Variants in TRAPPC9 observed in about 807,000 individuals in gnomAD.
The protein encoded by TRAPPC9 is trafficking protein particle complex subunit 9.
In TRAPPC9, 83 loss-of-function variants were observed where a neutral mutation model predicts 124.0. The observed-to-expected ratio is 0.67, with a 90% CI of 0.56 to 0.80. TRAPPC9 has a LOEUF of 0.80. TRAPPC9 is among the 30% of genes least tolerant of loss of function. The pLI, the probability that TRAPPC9 is intolerant of heterozygous loss-of-function variation, is 0.00. For synonymous variants in TRAPPC9, 638 were observed against 617.5 expected (o/e 1.03, Z -0.49); for missense variants, 1,302 against 1,508.3 (o/e 0.86, Z 2.27).
intron 17 of TRAPPC9, among the ~76,000 whole-genome samples, chr8:140,220,146 T>TG (rs1483920558): frequency 2.6e-5 from 4 of 152,110 alleles, no homozygotes; most frequent in Admixed American, 6.5e-5. Flanking sequence ...GCAAAACTGA[T>TG]GGACAAACAA....
At chr8:139,773,403 G>A (rs1229142982) in intron 21 of TRAPPC9, among the ~76,000 whole-genome samples, 3 of 152,242 alleles carry the variant, frequency 2.0e-5, no homozygotes, top group Admixed American at 6.5e-5. Context: ...GCCTCCCTGG[G>A]AGCAGGCAGT....
chr8:140,082,718 G>A (rs536351288), intron 17 of TRAPPC9, among the ~76,000 whole-genome samples: 7 of 152,200 alleles, frequency 4.6e-5, no homozygotes, highest in East Asian at 1.9e-4. Flanking sequence ...TGTTAAACAC[G>A]TTCTTTTCTC....
chr8:139,952,698 C>A (rs553862564), intron 19 of TRAPPC9, among the ~76,000 whole-genome samples: 5 of 152,182 alleles, frequency 3.3e-5, no homozygotes, highest in Non-Finnish European at 7.4e-5. Context: ...CCGAGGGGTG[C>A]TGGTGGGGCA....
intron 9 of TRAPPC9, among the ~76,000 whole-genome samples, chr8:140,318,568 T>C (rs2066501427): frequency 6.6e-6 from 1 of 152,226 alleles, no homozygotes. Context: ...ACCATTCTAC[T>C]CTCTGCTTCT....
chr8:139,907,527 G>T lies in TRAPPC9; in HGVS notation c.2964+2620C>A, dbSNP rs895328475. On this transcript the variant is annotated intron_variant, in intron 20 of 22. Transcript: ENST00000438773. The surrounding 1 kb of genome is among the most constrained non-coding windows in gnomAD (Gnocchi z 4.7). ...GAGTGGGGGGAAGGGAGAGGAGAGG[G>T]AGAAAGAGAAAGGGGGGGAGGAAGG... Among the ~76,000 whole-genome samples, 2 of 134,962 alleles carry T rather than the reference G, an allele frequency of 1.5e-5. No individual in the cohort carries two copies. The highest frequency in any genetic ancestry group is 1.6e-5 in the Non-Finnish European group (1 of 63,464). The allele number at this position is 134,962 out of a possible 152,430, so 88.5% of individuals were successfully genotyped here. A position where few individuals can be genotyped will look rare whatever the true frequency, so the allele number is the denominator to read the frequency against.
chr8:140,075,214 A>G (rs1055958795), intron 17 of TRAPPC9, among the ~76,000 whole-genome samples: 1 of 152,198 alleles, frequency 6.6e-6, no homozygotes, highest in South Asian at 2.1e-4. Flanking sequence ...GGAGTTACCG[A>G]CACCTACCAC....
chr8:140,024,109 C>T (rs771702038), intron 17 of TRAPPC9, 30 bp from the exon 18 acceptor site: 9 of 1,609,612 alleles, frequency 5.6e-6, no homozygotes, highest in Middle Eastern at 1.7e-4. Context: ...AAAATACACA[C>T]ACACACATTA....
At chr8:140,311,035 G>A (rs1418283527) in intron 10 of TRAPPC9, among the ~76,000 whole-genome samples, 5 of 152,118 alleles carry the variant, frequency 3.3e-5, no homozygotes, top group African/African-American at 4.8e-5. Context: ...GCATGGAATT[G>A]CAGCAGTTAC....
chr8:139,938,819 G>A (rs1229953219), intron 19 of TRAPPC9, among the ~76,000 whole-genome samples: 2 of 147,568 alleles, frequency 1.4e-5, no homozygotes, highest in Non-Finnish European at 3.0e-5. Context: ...CTAATTTTTT[G>A]TATTTTTAGT....
At chr8:140,002,828 A>C (rs535998824) in intron 18 of TRAPPC9, among the ~76,000 whole-genome samples, 1 of 145,730 alleles carries the variant, frequency 6.9e-6, no homozygotes, top group African/African-American at 2.6e-5. Context: ...TGTTGGGACA[A>C]CTGGATTCCA....
At chr8:140,013,448 C>A (rs183614599) in intron 18 of TRAPPC9, among the ~76,000 whole-genome samples, 1 of 152,374 alleles carries the variant, frequency 6.6e-6, no homozygotes, top group Admixed American at 6.5e-5. Context: ...CTCCAAAGCT[C>A]CTGCCACACA....
At chr8:140,019,618 T>A (rs1839705406) in intron 18 of TRAPPC9, among the ~76,000 whole-genome samples, 1 of 133,964 alleles carries the variant, frequency 7.5e-6, no homozygotes, top group African/African-American at 2.8e-5. Context: ...AGTGGTGCAA[T>A]CTTGGCTCAC....
rs1407209980 is a variant in TRAPPC9, at chr8:139,777,520, A to T, written c.3056-45318T>A. On this transcript the variant is annotated intron_variant, in intron 21 of 22. Transcript: ENST00000438773. The stretch of plus-strand genomic sequence containing the variant: ...GAGGTCAACATTTCCTGAATGAGCA[A>T]ATGAATGAAGGAAAGATTTCCTCCT... Among the ~76,000 whole-genome samples, 7 of 152,356 alleles carry T rather than the reference A, an allele frequency of 4.6e-5. No homozygotes were observed. In the East Asian group the frequency reaches 9.6e-4, roughly 21 times the overall value.
rs566713558 is a variant in TRAPPC9 at position 140,361,498 on chromosome 8, C to T, written c.1352-1305G>A. On this transcript the variant is annotated intron_variant, in intron 8 of 22. Coordinates refer to ENST00000438773, the MANE Select transcript of TRAPPC9 (RefSeq NM_001160372.4). Reference sequence around the variant, plus strand: ...CGGAGTACAAGTTAAAGTTATAAGGCTTCAGTGCAATAACCCATTTAAAGC... The same window carrying T: ...CGGAGTACAAGTTAAAGTTATAAGGTTTCAGTGCAATAACCCATTTAAAGC... Among the ~76,000 whole-genome samples, 54 of 152,326 alleles carry T rather than the reference C, an allele frequency of 3.5e-4. 1 individual carries two copies. The highest frequency in any genetic ancestry group is 1.3e-3 in the African/African-American group (53 of 41,578).
chr8:140,207,114 C>G (rs1300668093), intron 17 of TRAPPC9, among the ~76,000 whole-genome samples: 1 of 152,194 alleles, frequency 6.6e-6, no homozygotes, highest in Non-Finnish European at 1.5e-5. Flanking sequence ...GGAGCATTCC[C>G]TGCAGTTGGG....
At chr8:140,328,751 T>C (rs1035872821) in intron 9 of TRAPPC9, among the ~76,000 whole-genome samples, 12 of 152,156 alleles carry the variant, frequency 7.9e-5, no homozygotes, top group African/African-American at 2.9e-4. Flanking sequence ...AAAAAGGTCC[T>C]GGAGCTTTAG....
chr8:140,115,433 A>T (rs58746192), intron 17 of TRAPPC9, among the ~76,000 whole-genome samples: 12,923 of 151,820 alleles, frequency 0.085, 1,453 homozygotes, highest in African/African-American at 0.26. Flanking sequence ...CACCTGGCGA[A>T]TTTTTTTGTA....
chr8:140,058,636 A>C (rs1419680100), intron 17 of TRAPPC9, among the ~76,000 whole-genome samples: 1 of 152,230 alleles, frequency 6.6e-6, no homozygotes, highest in Non-Finnish European at 1.5e-5. Flanking sequence ...CCTGCAAGAC[A>C]GACAGTGGAA....
chr8:140,269,039 G>A (rs754139025), intron 15 of TRAPPC9, among the ~76,000 whole-genome samples: 11 of 152,044 alleles, frequency 7.2e-5, no homozygotes, highest in Non-Finnish European at 1.2e-4. Context: ...CTGGGGTGGC[G>A]GAAACGTTCT....
Sources: gnomAD v4.1 joint callset for allele counts (sites outside exome capture counted in the v4.1 genomes callset) on GRCh38, gnomAD v4.1.1 for gene constraint, Gnocchi (gnomAD v3.1) non-coding constraint, MANE v1.5 for transcripts, NCBI Gene and HGNC (gene_info 2026-07-23, HGNC 2026-07-21) for gene names.